ADGRB3: variants seen among roughly 807,000 people sequenced by gnomAD.
The protein encoded by ADGRB3 is brain-specific angiogenesis inhibitor 3.
Under a neutral mutation model 193.4 loss-of-function variants are expected in ADGRB3, and 37 were observed. The ratio of observed to expected loss-of-function variants is 0.19; its 90% CI spans 0.15 to 0.25. The LOEUF (loss-of-function observed/expected upper bound fraction) is 0.25. ADGRB3 is among the 10% of genes least tolerant of loss of function. The pLI, the probability that ADGRB3 is intolerant of heterozygous loss-of-function variation, is 1.00. For synonymous variants in ADGRB3, 690 were observed against 644.2 expected (o/e 1.07, Z -1.08); for missense variants, 1,637 against 1,852.9 (o/e 0.88, Z 2.14).
At chr6:69,044,306 G>C (rs1771177360) in intron 13 of ADGRB3, among the ~76,000 whole-genome samples, 1 of 152,064 alleles carries the variant, frequency 6.6e-6, no homozygotes. Context: ...TCTCTGTAAT[G>C]CAACTGATGC....
rs182752819 is a variant in ADGRB3 at position 68,851,701 on chromosome 6, T to C, written c.758-78858T>C. On this transcript the variant is annotated intron_variant, in intron 3 of 31. Coordinates refer to ENST00000370598, the MANE Select transcript of ADGRB3 (RefSeq NM_001704.3). ...TGTAAAATTTAAAAGAATCCTACGGTTTTTCAATCTATCATTTTAAATTTA... is the reference window on the plus strand; with the variant it reads ...TGTAAAATTTAAAAGAATCCTACGGCTTTTCAATCTATCATTTTAAATTTA... 1.3e-4 allele frequency among the ~76,000 whole-genome samples: 19 copies of C among 151,912 alleles called. 1 individual carries two copies. Among genetic ancestry groups the C allele is most frequent in the African/African-American group, 4.3e-4 (18 of 41,508 alleles).
chr6:69,351,810 TAGTC>T (rs1048328435), intron 26 of ADGRB3, among the ~76,000 whole-genome samples: 6 of 152,208 alleles, frequency 3.9e-5, no homozygotes, highest in African/African-American at 1.2e-4. Context: ...CCATATTTCA[TAGTC>T]AGCCAAAAAT....
At chr6:68,789,490 T>A (rs1421384882) in intron 3 of ADGRB3, among the ~76,000 whole-genome samples, 1 of 152,248 alleles carries the variant, frequency 6.6e-6, no homozygotes. Flanking sequence ...GTCCCCACAC[T>A]CTTCTGGCTT....
chr6:69,180,062 A>G (rs1157247014), intron 17 of ADGRB3, among the ~76,000 whole-genome samples: 2 of 152,192 alleles, frequency 1.3e-5, no homozygotes, highest in African/African-American at 2.4e-5. Context: ...TATCCAGTGG[A>G]TGGCTATTAA....
At chr6:68,937,076 A>G (rs1217732435) in intron 5 of ADGRB3, among the ~76,000 whole-genome samples, 1 of 152,226 alleles carries the variant, frequency 6.6e-6, no homozygotes, top group Non-Finnish European at 1.5e-5. Flanking sequence ...ATAGTCTGTC[A>G]GGCAGTCAGC....
At chr6:69,154,224 TG>T (rs1260488909) in intron 17 of ADGRB3, among the ~76,000 whole-genome samples, 1 of 152,174 alleles carries the variant, frequency 6.6e-6, no homozygotes, top group African/African-American at 2.4e-5. Flanking sequence ...GTAGTTCCCA[TG>T]TGATGATGAA....
chr6:68,818,884 A>G (rs1255617823), intron 3 of ADGRB3, among the ~76,000 whole-genome samples: 1 of 152,092 alleles, frequency 6.6e-6, no homozygotes, highest in Admixed American at 6.6e-5. Flanking sequence ...CTGAGGAAAG[A>G]TCAATTTCAA....
chr6:69,342,141 A>C (rs540486858), intron 26 of ADGRB3, among the ~76,000 whole-genome samples: 1 of 152,316 alleles, frequency 6.6e-6, no homozygotes, highest in Admixed American at 6.5e-5. Flanking sequence ...CAAGTAATTA[A>C]ATCAATCATA....
intron 20 of ADGRB3, among the ~76,000 whole-genome samples, chr6:69,261,223 A>G (rs1327855913): frequency 1.3e-5 from 2 of 152,168 alleles, no homozygotes; most frequent in African/African-American, 4.8e-5. Context: ...AGAACCCTGC[A>G]GGGAAAGGCA....
chr6:69,011,128 CAT>C (rs1209392232), intron 11 of ADGRB3, among the ~76,000 whole-genome samples: 67 of 116,764 alleles, frequency 5.7e-4, no homozygotes, highest in East Asian at 2.4e-3. Flanking sequence ...TGTATATATA[CAT>C]ATATATGTGT....
rs138231852 is a variant in ADGRB3, at chr6:68,891,530, G to T, written c.758-39029G>T. The stretch of plus-strand genomic sequence containing the variant: ...GAAAAGTATGTGAGACATTATGATG[G>T]TAGATTATGTATGATCAAACAACTT... On this transcript the variant is annotated intron_variant, in intron 3 of 31. Transcript: ENST00000370598. 4.9e-4 allele frequency among the ~76,000 whole-genome samples: 74 copies of T among 152,264 alleles called. 1 individual carries two copies. The highest frequency in any genetic ancestry group is 1.7e-3 in the African/African-American group (70 of 41,550).
chr6:69,041,236 T>G lies in ADGRB3; in HGVS notation c.2108-6949T>G, dbSNP rs139786768. ...AGGAGAGTAGGGTGCAGAGGACTAGTAGAAATGTCTGTGTAGATAACTGAA... is the reference window on the plus strand; with the variant it reads ...AGGAGAGTAGGGTGCAGAGGACTAGGAGAAATGTCTGTGTAGATAACTGAA... On this transcript the variant is annotated intron_variant, in intron 13 of 31. Coordinates refer to ENST00000370598, the MANE Select transcript of ADGRB3 (RefSeq NM_001704.3). 2.5e-3 allele frequency among the ~76,000 whole-genome samples: 377 copies of G among 152,310 alleles called. 2 individuals carry two copies. The highest frequency in any genetic ancestry group is 8.6e-3 in the African/African-American group (357 of 41,576).
intron 3 of ADGRB3, among the ~76,000 whole-genome samples, chr6:68,865,106 A>G (rs1274669257): frequency 1.3e-5 from 2 of 152,158 alleles, no homozygotes; most frequent in Non-Finnish European, 2.9e-5. Flanking sequence ...CCAGACATAT[A>G]TTCAAAAATA....
intron 3 of ADGRB3, among the ~76,000 whole-genome samples, chr6:68,694,151 C>T (rs917453575): frequency 6.6e-6 from 1 of 151,924 alleles, no homozygotes; most frequent in Admixed American, 6.6e-5. Flanking sequence ...GGCATCTACC[C>T]CCAAATTTGG....
At chr6:68,780,685 G>C (rs910123) in intron 3 of ADGRB3, among the ~76,000 whole-genome samples, 39,878 of 151,892 alleles carry the variant, frequency 0.26, 5,803 homozygotes, top group East Asian at 0.65. Flanking sequence ...TAAGCACAAG[G>C]GTTTTTTTTA....
At chr6:68,819,398 AT>A (rs1275332072) in intron 3 of ADGRB3, among the ~76,000 whole-genome samples, 26 of 151,732 alleles carry the variant, frequency 1.7e-4, no homozygotes, top group African/African-American at 6.1e-4. Flanking sequence ...TTGCCCCTCC[AT>A]TCTGTGTCTT....
At chr6:69,213,645 A>C (rs144569720) in intron 17 of ADGRB3, among the ~76,000 whole-genome samples, 1 of 151,792 alleles carries the variant, frequency 6.6e-6, no homozygotes, top group East Asian at 1.9e-4. Context: ...TACTTGATAC[A>C]CTCCTGGCTC....
intron 17 of ADGRB3, among the ~76,000 whole-genome samples, chr6:69,134,763 T>A (rs1444505149): frequency 1.3e-5 from 2 of 151,806 alleles, no homozygotes; most frequent in Non-Finnish European, 2.9e-5. Context: ...TGTGTGTGTA[T>A]ATATATATAC....
intron 20 of ADGRB3, among the ~76,000 whole-genome samples, chr6:69,323,239 C>T (rs569789818): frequency 1.4e-4 from 21 of 151,740 alleles, no homozygotes; most frequent in East Asian, 7.7e-4. Context: ...TTGAAACAAA[C>T]GTGGAGGAAA....
Sources: allele counts gnomAD v4.1 joint callset (sites outside exome capture counted in the v4.1 genomes callset), GRCh38; gene constraint gnomAD v4.1.1; transcripts MANE v1.5; gene names NCBI Gene and HGNC (gene_info 2026-07-23, HGNC 2026-07-21).